The following PDE7B variants were observed in gnomAD, a reference collection of about 807,000 sequenced individuals.
The protein encoded by PDE7B is 3',5'-cyclic-AMP phosphodiesterase 7B.
Under a neutral mutation model 56.2 loss-of-function variants are expected in PDE7B, and 29 were observed. The ratio of observed to expected loss-of-function variants is 0.52; its 90% confidence interval spans 0.38 to 0.70. PDE7B has a LOEUF of 0.70. PDE7B is among the 30% of genes least tolerant of loss of function. PDE7B has a pLI of 0.00. For synonymous variants in PDE7B, 197 were observed against 196.9 expected (o/e 1.00, Z 0.00); for missense variants, 490 against 565.0 (o/e 0.87, Z 1.35).
At chr6:136,154,795 A>G (rs1778578841) in intron 7 of PDE7B, among the ~76,000 whole-genome samples, 1 of 152,236 alleles carries the variant, frequency 6.6e-6, no homozygotes, top group South Asian at 2.1e-4. Flanking sequence ...GGTACAAGGT[A>G]CAGGATGAGT....
intron 2 of PDE7B, among the ~76,000 whole-genome samples, chr6:136,032,521 C>A (rs928151847): frequency 6.6e-6 from 1 of 152,164 alleles, no homozygotes; most frequent in African/African-American, 2.4e-5. Context: ...CCTTAAGAAC[C>A]TTGCTACCAT....
At chr6:136,075,683 C>A (rs1242133139) in intron 2 of PDE7B, among the ~76,000 whole-genome samples, 1 of 152,202 alleles carries the variant, frequency 6.6e-6, no homozygotes, top group African/African-American at 2.4e-5. Context: ...GTTTCCCCTT[C>A]CCTTTTATTC....
intron 1 of PDE7B, among the ~76,000 whole-genome samples, chr6:135,880,266 A>C (rs917878051): frequency 1.3e-5 from 2 of 152,142 alleles, no homozygotes; most frequent in Non-Finnish European, 2.9e-5. Context: ...CTAAACAGAA[A>C]ATCAACTCAG....
At chr6:136,090,283 G>A (rs1777366384) in intron 2 of PDE7B, among the ~76,000 whole-genome samples, 1 of 152,166 alleles carries the variant, frequency 6.6e-6, no homozygotes. Flanking sequence ...AAAGACCCAG[G>A]AGGATGTCTT....
chr6:135,914,833 G>A (rs1391922928), intron 1 of PDE7B, among the ~76,000 whole-genome samples: 2 of 148,150 alleles, frequency 1.3e-5, no homozygotes, highest in Middle Eastern at 3.3e-3. Flanking sequence ...GGTGGCTCAC[G>A]CCTGTAATCC....
intron 1 of PDE7B, among the ~76,000 whole-genome samples, chr6:135,937,379 C>G (rs1774439329): frequency 6.6e-6 from 1 of 152,198 alleles, no homozygotes; most frequent in Non-Finnish European, 1.5e-5. Context: ...ACTTCCCCAG[C>G]CTTGCGTCTC....
intron 2 of PDE7B, among the ~76,000 whole-genome samples, chr6:136,086,247 G>A (rs764250139): frequency 6.6e-6 from 1 of 152,136 alleles, no homozygotes; most frequent in Non-Finnish European, 1.5e-5. Context: ...CTGAGCAGTT[G>A]ATAACTTTTC....
intron 2 of PDE7B, among the ~76,000 whole-genome samples, chr6:136,078,513 A>C (rs1415447352): frequency 6.6e-6 from 1 of 152,086 alleles, no homozygotes; most frequent in Non-Finnish European, 1.5e-5. Flanking sequence ...TATCTAGCAT[A>C]CTAGTTCCAG....
At chr6:135,901,723 C>G (rs747463427) in intron 1 of PDE7B, among the ~76,000 whole-genome samples, 2 of 152,098 alleles carry the variant, frequency 1.3e-5, no homozygotes, top group Non-Finnish European at 2.9e-5. Context: ...TCAATTCCAG[C>G]GCACTATGCT....
intron 3 of PDE7B, among the ~76,000 whole-genome samples, chr6:136,116,003 T>G (rs567905710): frequency 6.6e-6 from 1 of 152,252 alleles, no homozygotes; most frequent in East Asian, 1.9e-4. Flanking sequence ...TCTGCTACCC[T>G]CAAAGAGCAA....
intron 2 of PDE7B, among the ~76,000 whole-genome samples, chr6:136,043,502 C>A (rs2128210185): frequency 7.1e-6 from 1 of 141,456 alleles, no homozygotes; most frequent in South Asian, 2.3e-4. Context: ...GCCTCAGTTT[C>A]TTCTTATGTA....
intron 3 of PDE7B, among the ~76,000 whole-genome samples, chr6:136,139,139 G>GC (rs1778269154): frequency 6.6e-6 from 1 of 151,966 alleles, no homozygotes; most frequent in South Asian, 2.1e-4. Context: ...GCCACAACAG[G>GC]CCCCAGTGTG....
intron 1 of PDE7B, among the ~76,000 whole-genome samples, chr6:135,911,788 T>C (rs1284677506): frequency 6.6e-6 from 1 of 152,196 alleles, no homozygotes; most frequent in Non-Finnish European, 1.5e-5. Flanking sequence ...TGAGATGTAC[T>C]ACAAGACTTC....
chr6:135,916,200 C>T (rs1773930251), intron 1 of PDE7B, among the ~76,000 whole-genome samples: 2 of 152,042 alleles, frequency 1.3e-5, no homozygotes, highest in Non-Finnish European at 2.9e-5. Flanking sequence ...GCTCCACGTG[C>T]TGCCACAGTT....
Position 136,191,654 on chromosome 6 carries a change from G to C in PDE7B, c.1167G>C (p.Trp389Cys). 1 of 1,614,132 alleles carries C rather than the reference G, an allele frequency of 6.2e-7. No individual in the cohort carries two copies. The highest frequency in any genetic ancestry group is 8.5e-7 in the Non-Finnish European group (1 of 1,179,994). Residue 389 changes from tryptophan (W) to cysteine (C), a missense_variant, in exon 13 of 13, where the codon TGG (tryptophan) becomes TGC (cysteine). Coordinates refer to ENST00000308191, the MANE Select transcript of PDE7B (RefSeq NM_018945.4). ...TCGTGGAGCCGCTCTTCCGGGAATG[G>C]GCCCATTTCACGGGTAACAGCACCC... Reference protein sequence around the residue: ...SYIVEPLFREWAHFTGNSTLS... With the variant: ...SYIVEPLFRECAHFTGNSTLS...
chr6:135,858,479 T>C (rs1775080806), intron 1 of PDE7B, among the ~76,000 whole-genome samples: 1 of 148,276 alleles, frequency 6.7e-6, no homozygotes, highest in African/African-American at 2.6e-5. Flanking sequence ...TTAAAATTTC[T>C]TCATTAATTT....
chr6:135,942,066 C>A (rs760324622), intron 1 of PDE7B, among the ~76,000 whole-genome samples: 6 of 152,032 alleles, frequency 3.9e-5, no homozygotes, highest in African/African-American at 7.2e-5. Context: ...TTTAATAACT[C>A]CTATTGAATG....
chr6:135,942,608 T>G, intron 1 of PDE7B, among the ~76,000 whole-genome samples: 1 of 152,158 alleles, frequency 6.6e-6, no homozygotes, highest in Admixed American at 6.5e-5. Flanking sequence ...TGTGTAAAAT[T>G]TTGTAATATT....
chr6:136,006,632 T>G (rs1238092179), intron 2 of PDE7B, among the ~76,000 whole-genome samples: 1 of 152,180 alleles, frequency 6.6e-6, no homozygotes, highest in Non-Finnish European at 1.5e-5. Context: ...TTATCTCCCC[T>G]GTTAGCTGTA....
Sources: gnomAD v4.1 joint callset for allele counts (sites outside exome capture counted in the v4.1 genomes callset) on GRCh38, gnomAD v4.1.1 for gene constraint, MANE v1.5 for transcripts, NCBI Gene and HGNC (gene_info 2026-07-23, HGNC 2026-07-21) for gene names.